Variants in LILRB3 observed in about 807,000 individuals in gnomAD.
LILRB3 encodes leukocyte immunoglobulin-like receptor subfamily B member 3.
A neutral mutation model predicts 68.2 loss-of-function variants in LILRB3; 32 were observed. That is an observed-to-expected ratio of 0.47 (90% CI 0.35 to 0.63). LILRB3 has a LOEUF of 0.63. Ranked by LOEUF, LILRB3 falls within the 30% of genes least tolerant of loss-of-function variation. The pLI, the probability that LILRB3 is intolerant of heterozygous loss-of-function variation, is 0.00. For synonymous variants in LILRB3, 185 were observed against 323.1 expected, an observed-to-expected ratio of 0.57 and a Z score of 4.58; for missense variants, 502 against 791.3, an observed-to-expected ratio of 0.63 and a Z score of 4.39.
At chr19:54,219,733 A>T in intron 7 of LILRB3, 3 of 1,477,124 alleles carry the variant, frequency 2.0e-6, no homozygotes, top group Non-Finnish European at 2.7e-6. Context: ...TCTCCTTTAC[A>T]CTTGGAGAAA....
In LILRB3 at chr19:54,220,517, A is replaced by C; in HGVS notation, c.1258+11T>G. On this transcript the variant is annotated intron_variant, in intron 6 of 12. Coordinates refer to ENST00000445347, the Ensembl canonical transcript of LILRB3. Reference sequence around the variant, plus strand: ...CTTTGAGCTCAGAGAGGACGGGGTCAGCGCCCTCACCTGAGACCATGAGTT... The same window carrying C: ...CTTTGAGCTCAGAGAGGACGGGGTCCGCGCCCTCACCTGAGACCATGAGTT... 7.5e-7 allele frequency: 1 copy of C among 1,335,758 alleles called. No individual in the cohort carries two copies. The highest frequency in any genetic ancestry group is 1.2e-5 in the South Asian group (1 of 80,158). 82.7% of individuals were successfully genotyped at this position (1,335,758 alleles called of 1,614,324 possible).
At position 54,219,433 on chromosome 19, in the gene LILRB3, C is replaced by T. The variant is rs1393883306; in HGVS notation, c.1310-188G>A. On this transcript the variant is annotated intron_variant, in intron 7 of 12. Coordinates refer to ENST00000445347, the Ensembl canonical transcript of LILRB3. ...AGGCTCAGAGCAGGGAGTCGCCTGC[C>T]CCAGGCCTCCAGCGAGGAAGCGGCA... 4.2e-5 allele frequency: 63 copies of T among 1,514,934 alleles called. 1 individual carries two copies. The South Asian group carries it at 4.6e-4, about 11-fold the overall frequency. 93.8% of individuals were successfully genotyped at this position (1,514,934 alleles called of 1,614,324 possible).
chr19:54,216,778 A>T, exon 13 of LILRB3: 3 of 1,225,154 alleles, frequency 2.4e-6, no homozygotes, highest in Non-Finnish European at 3.1e-6. Flanking sequence ...CAGCAGCCTT[A>T]ACTTCTTGTG....
intron 1 of LILRB3, 24 bp downstream of exon 1, chr19:54,222,919 C>A: frequency 6.2e-7 from 1 of 1,612,600 alleles, no homozygotes; most frequent in Non-Finnish European, 8.5e-7. Flanking sequence ...CTCGGATCTC[C>A]CCCTCCCCAT....
At chr19:54,218,726 G>C (rs3852892) in intron 9 of LILRB3, 37 bp downstream of exon 9, 1 of 1,613,886 alleles carries the variant, frequency 6.2e-7, no homozygotes, top group Non-Finnish European at 8.5e-7. Flanking sequence ...TATGGGCTGT[G>C]GTGGGTGGGA....
At position 54,218,908 on chromosome 19, in the gene LILRB3, G is replaced by A. The variant is rs1482188203; in HGVS notation, c.1427-70C>T. ...TCCCATTCTACACATGCAACTTGAGGGAAAGAAGGAAAACTAAAAATATTC... is the reference window on the plus strand; with the variant it reads ...TCCCATTCTACACATGCAACTTGAGAGAAAGAAGGAAAACTAAAAATATTC... On this transcript the variant is annotated intron_variant, in intron 8 of 12. Coordinates refer to ENST00000445347, the Ensembl canonical transcript of LILRB3. 3.8e-6 allele frequency: 6 copies of A among 1,598,952 alleles called. No individual in the cohort carries two copies. The East Asian group carries it at 1.1e-4, about 30-fold the overall frequency.
At chr19:54,219,069 C>G in intron 8 of LILRB3, 60 bp downstream of exon 8, 2 of 1,544,284 alleles carry the variant, frequency 1.3e-6, no homozygotes, top group Non-Finnish European at 1.7e-6. Context: ...TGGGTTCCCT[C>G]TGGCTGGTGC....
chr19:54,219,248 T>C lies in LILRB3; in HGVS notation c.1310-3A>G, dbSNP rs773425379. 6 of 1,560,386 alleles carry C rather than the reference T, an allele frequency of 3.8e-6. No individual in the cohort carries two copies. In the South Asian group the frequency reaches 5.9e-5, roughly 15 times the overall value. Reference sequence around the variant, plus strand: ...AACCTCCAGGTATCTTCCCAGACCTTGACATGAGGACGTCAGGAGTGGGAA... The same window carrying C: ...AACCTCCAGGTATCTTCCCAGACCTCGACATGAGGACGTCAGGAGTGGGAA... On this transcript the variant is annotated splice_region_variant and splice_polypyrimidine_tract_variant and intron_variant, in intron 7 of 12. Transcript: ENST00000445347.
chr19:54,218,285 G>C (rs1464870019), intron 11 of LILRB3, 76 bp downstream of exon 11: 1 of 1,581,756 alleles, frequency 6.3e-7, no homozygotes, highest in Non-Finnish European at 8.7e-7. Flanking sequence ...GCCGGGGGAA[G>C]GAGGACAGAG....
chr19:54,216,974 G>T (rs2077519882), exon 13 of LILRB3: 2 of 1,560,896 alleles, frequency 1.3e-6, no homozygotes, highest in Non-Finnish European at 1.7e-6. Flanking sequence ...GTCTCCTCAT[G>T]GTCTGTGTTA....
intron 10 of LILRB3, 90 bp from the exon 11 acceptor site, chr19:54,218,503 C>T (rs1483514781): frequency 1.5e-5 from 24 of 1,603,712 alleles, no homozygotes; most frequent in African/African-American, 4.0e-5. Flanking sequence ...ATGGGGCCAC[C>T]GAATGCAGGG....
Sources: gnomAD v4.1 joint callset for allele counts on GRCh38, gnomAD v4.1.1 for gene constraint, MANE v1.5 for transcripts, NCBI Gene and HGNC (gene_info 2026-07-23, HGNC 2026-07-21) for gene names.